The following RYR3 variants were observed in gnomAD, a reference collection of about 807,000 sequenced individuals.
RYR3 encodes the protein brain ryanodine receptor-calcium release channel.
A neutral mutation model predicts 584.3 loss-of-function variants in RYR3; 207 were observed. The observed-to-expected ratio is 0.35, with a 90% confidence interval of 0.32 to 0.40. The LOEUF is 0.40. Ranked by LOEUF, RYR3 falls within the 10% of genes least tolerant of loss-of-function variation. The pLI is 1.00. For synonymous variants in RYR3, 2,416 were observed against 2,248.5 expected, an observed-to-expected ratio of 1.07 and a Z score of -2.11; for missense variants, 5,616 against 6,089.2, an observed-to-expected ratio of 0.92 and a Z score of 2.59.
At chr15:33,323,607 A>G (rs1047945871) in intron 1 of RYR3, among the ~76,000 whole-genome samples, 2 of 152,100 alleles carry the variant, frequency 1.3e-5, no homozygotes, top group Non-Finnish European at 2.9e-5. Flanking sequence ...ATTAATTGAG[A>G]AAAAAAATCT....
chr15:33,794,503 A>T (rs2152923682), intron 67 of RYR3, among the ~76,000 whole-genome samples: 1 of 151,430 alleles, frequency 6.6e-6, no homozygotes, highest in Admixed American at 6.6e-5. Context: ...AAATCGCCAG[A>T]GTTTGAAGTG....
At chr15:33,690,122 G>A (rs887408587) in intron 38 of RYR3, among the ~76,000 whole-genome samples, 1 of 152,218 alleles carries the variant, frequency 6.6e-6, no homozygotes, top group African/African-American at 2.4e-5. Flanking sequence ...GTATTAATAA[G>A]AGCAAAGTCA....
intron 1 of RYR3, among the ~76,000 whole-genome samples, chr15:33,377,300 C>T (rs556210563): frequency 2.5e-4 from 38 of 152,266 alleles, no homozygotes; most frequent in African/African-American, 7.9e-4. Flanking sequence ...TAAACAATGA[C>T]GCAGACACCC....
intron 1 of RYR3, among the ~76,000 whole-genome samples, chr15:33,433,519 G>C (rs959920401): frequency 6.6e-6 from 1 of 151,740 alleles, no homozygotes; most frequent in Admixed American, 6.6e-5. Context: ...AGGACAATTA[G>C]GGAAGATAGA....
chr15:33,429,682 T>C (rs559976866), intron 1 of RYR3, among the ~76,000 whole-genome samples: 11 of 152,226 alleles, frequency 7.2e-5, no homozygotes, highest in Non-Finnish European at 1.3e-4. Context: ...TTGAGAAGAC[T>C]TCTTCCTTTA....
In RYR3 at chr15:33,757,554, G is replaced by A. The variant is rs1332709974; in HGVS notation, c.8663G>A (p.Ser2888Asn). Residue 2888 changes from serine (S) to asparagine (N), a missense_variant, in exon 60 of 104, where the codon AGC (serine) becomes AAC (asparagine). Ser to Asn is a conservative substitution (Grantham distance 46). Around this residue, in one of 9 missense-constraint regions of RYR3, gnomAD observed 1,280 missense variants for 1,426.2 expected, o/e 0.90. Transcript: ENST00000634891. ...TCATCCCCTCTGAAGCCCCTTAGCA[G>A]CAGCGGATATGCCTCCCATAAGGAG... ...FLSSPLKPLS[S>N]SGYASHKEKE... 6.2e-7 allele frequency: 1 copy of A among 1,611,442 alleles called. No homozygotes were observed. Among genetic ancestry groups the A allele is most frequent in the Non-Finnish European group, 8.5e-7 (1 of 1,179,160 alleles).
intron 49 of RYR3, among the ~76,000 whole-genome samples, chr15:33,736,604 G>A (rs1168313122): frequency 3.3e-5 from 5 of 152,130 alleles, no homozygotes; most frequent in African/African-American, 1.2e-4. Context: ...CTTCCCCAAT[G>A]TAATTAGGTT....
intron 4 of RYR3, among the ~76,000 whole-genome samples, chr15:33,531,794 A>C (rs1259229070): frequency 6.6e-6 from 1 of 152,108 alleles, no homozygotes; most frequent in Non-Finnish European, 1.5e-5. Flanking sequence ...GAGAGTAGGG[A>C]AACTTTGAAC....
intron 52 of RYR3, among the ~76,000 whole-genome samples, chr15:33,743,577 C>T (rs74005982): frequency 0.043 from 6,577 of 152,286 alleles, 377 homozygotes; most frequent in African/African-American, 0.13. Flanking sequence ...CTGAGAACTC[C>T]TTGCTTATGG....
intron 1 of RYR3, among the ~76,000 whole-genome samples, chr15:33,418,779 C>A (rs1195238719): frequency 1.3e-5 from 2 of 152,066 alleles, no homozygotes; most frequent in African/African-American, 2.4e-5. Flanking sequence ...CAAGGGGACA[C>A]ATTCACAAAA....
rs559746521 is a variant in RYR3, at chr15:33,669,844, G to GTGT, written c.5722+388_5722+389insTGT. On this transcript the variant is annotated intron_variant, in intron 37 of 103. Transcript: ENST00000634891. ...TTAGCTATTAGGGGTGTGTGTGTGT[G>GTGT]GGGGGGGGGGGGGGTGTGGGTGTGT... Among the ~76,000 whole-genome samples, 389 of 40,798 alleles carry GTGT rather than the reference G, an allele frequency of 9.5e-3. 22 individuals carry two copies. The highest frequency in any genetic ancestry group is 0.023 in the South Asian group (32 of 1,394). 26.8% of individuals were successfully genotyped at this position (40,798 alleles called of 152,430 possible). A position where few individuals can be genotyped will look rare whatever the true frequency, so the allele number is the denominator to read the frequency against.
chr15:33,835,208 A>C, intron 87 of RYR3, 136 bp downstream of exon 87: 1 of 639,786 alleles, frequency 1.6e-6, no homozygotes. Context: ...CAGTTTTTTA[A>C]ACTGAAGGCC....
At chr15:33,335,387 A>G (rs1393237910) in intron 1 of RYR3, among the ~76,000 whole-genome samples, 1 of 152,226 alleles carries the variant, frequency 6.6e-6, no homozygotes, top group Admixed American at 6.5e-5. Flanking sequence ...AGGGACATGG[A>G]TGGAGCTGGA....
chr15:33,663,287 A>G (rs933344489), intron 35 of RYR3, among the ~76,000 whole-genome samples: 3 of 152,190 alleles, frequency 2.0e-5, no homozygotes, highest in African/African-American at 7.2e-5. Flanking sequence ...TGGTTTTTCT[A>G]CTCAGCTTCC....
chr15:33,768,899 C>A (rs2073331725), intron 61 of RYR3, among the ~76,000 whole-genome samples, 192 bp downstream of exon 61: 1 of 152,028 alleles, frequency 6.6e-6, no homozygotes, highest in South Asian at 2.1e-4. Context: ...TTTTCCACAC[C>A]AATGAAAATT....
chr15:33,667,130 A>G (rs564383535), intron 36 of RYR3, among the ~76,000 whole-genome samples: 34 of 152,136 alleles, frequency 2.2e-4, no homozygotes, highest in Non-Finnish European at 4.0e-4. Context: ...TTGCAGTAAG[A>G]TCTTTGTGTA....
At chr15:33,729,407 C>G (rs932336554) in intron 47 of RYR3, among the ~76,000 whole-genome samples, 1 of 152,102 alleles carries the variant, frequency 6.6e-6, no homozygotes, top group Non-Finnish European at 1.5e-5. Flanking sequence ...GATGTCCCCT[C>G]GGGGACAAAA....
chr15:33,378,978 T>C, intron 1 of RYR3, among the ~76,000 whole-genome samples: 1 of 151,556 alleles, frequency 6.6e-6, no homozygotes, highest in South Asian at 2.1e-4. Flanking sequence ...AAAAAAAAAG[T>C]GTGTTTTAAT....
intron 1 of RYR3, among the ~76,000 whole-genome samples, chr15:33,430,608 G>A (rs1470760501): frequency 1.3e-5 from 2 of 152,196 alleles, no homozygotes; most frequent in African/African-American, 4.8e-5. Flanking sequence ...CTACGGGCCA[G>A]AGAATCCATT....
Sources: allele counts gnomAD v4.1 joint callset (sites outside exome capture counted in the v4.1 genomes callset), GRCh38; gene constraint gnomAD v4.1.1; regional missense constraint gnomAD v4.1.1; transcripts MANE v1.5; gene names NCBI Gene and HGNC (gene_info 2026-07-23, HGNC 2026-07-21).